The following VCAN variants were observed in gnomAD, a reference collection of about 807,000 sequenced individuals.
The protein encoded by VCAN is versican core protein.
Under a neutral mutation model 245.5 loss-of-function variants are expected in VCAN, and 44 were observed. The ratio of observed to expected loss-of-function variants is 0.18; its 90% confidence interval spans 0.14 to 0.23. The LOEUF (loss-of-function observed/expected upper bound fraction) is 0.23, where lower values mean the gene tolerates loss of function less well. Ranked by LOEUF, VCAN falls within the 10% of genes least tolerant of loss-of-function variation. The pLI is 1.00. For missense variants in VCAN, 3,793 were observed against 4,057.9 expected (o/e 0.93, Z 1.77); for synonymous variants, 1,413 against 1,437.0 (o/e 0.98, Z 0.38).
rs200475561 is a variant in VCAN, at chr5:83,539,943, C to T, written c.6940C>T (p.Leu2314Phe). 2.9e-5 allele frequency: 47 copies of T among 1,614,120 alleles called. No homozygotes were observed. The Admixed American group carries it at 6.7e-4, about 23-fold the overall frequency. ...MENVAKEVGP[L>F]VSQTDIFEGS... The stretch of plus-strand genomic sequence containing the variant: ...AAATGTGGCAAAAGAAGTTGGACCA[C>T]TCGTATCTCAAACAGACATCTTTGA... Residue 2314 changes from leucine (L) to phenylalanine (F), a missense_variant, in exon 8 of 15, where the codon CTC becomes TTC. Leu to Phe is a conservative substitution (Grantham distance 22, BLOSUM62 0). Transcript: ENST00000265077.
chr5:83,494,441 C>A (rs1745093369), intron 5 of VCAN, among the ~76,000 whole-genome samples: 1 of 152,178 alleles, frequency 6.6e-6, no homozygotes, highest in Non-Finnish European at 1.5e-5. Context: ...TACGTTAAAC[C>A]AGTTAACACA....
intron 5 of VCAN, among the ~76,000 whole-genome samples, chr5:83,498,183 C>T (rs1408607290): frequency 2.0e-5 from 3 of 152,124 alleles, no homozygotes; most frequent in Admixed American, 6.6e-5. Flanking sequence ...TGTGGGCACT[C>T]TCTTTCATCT....
intron 11 of VCAN, among the ~76,000 whole-genome samples, chr5:83,554,648 A>G (rs1010280911): frequency 1.3e-5 from 2 of 152,006 alleles, no homozygotes; most frequent in South Asian, 2.1e-4. Context: ...TTTCTATCAT[A>G]AAAAAAAGAA....
chr5:83,487,181 T>C (rs13189086), intron 2 of VCAN, among the ~76,000 whole-genome samples: 2 of 152,074 alleles, frequency 1.3e-5, no homozygotes, highest in African/African-American at 4.8e-5. Context: ...ATGAACTAGA[T>C]AGTGATATTT....
chr5:83,559,644 C>T (rs1482161751), intron 12 of VCAN, among the ~76,000 whole-genome samples: 1 of 152,224 alleles, frequency 6.6e-6, no homozygotes, highest in South Asian at 2.1e-4. Context: ...ACTAAGAGCT[C>T]CTCTTCTGTG....
intron 13 of VCAN, among the ~76,000 whole-genome samples, chr5:83,576,616 T>C (rs1028402003): frequency 6.6e-6 from 1 of 152,138 alleles, no homozygotes; most frequent in African/African-American, 2.4e-5. Context: ...ATAGGATATA[T>C]GTACCATAAA....
chr5:83,547,844 A>T (rs1364030855), intron 9 of VCAN, 127 bp from the exon 10 acceptor site: 2 of 749,024 alleles, frequency 2.7e-6, no homozygotes, highest in Non-Finnish European at 2.4e-6. Flanking sequence ...AACAAATTAT[A>T]CTTTTTTTAA....
Position 83,541,301 on chromosome 5 carries a change from T to A in VCAN, c.8298T>A (p.Ser2766=), listed in dbSNP as rs1440967680. ...HAGPSFQPEF[S]SGAEEALVDH... ...GTCCTTCTTTTCAGCCAGAATTCTC[T>A]TCAGGAGCTGAGGAGGCATTAGTAG... is the stretch of plus-strand genomic sequence containing the variant. The change falls in exon 8 of 15, where the codon TCT becomes TCA. Residue 2766 remains serine (S), a synonymous_variant. Coordinates refer to ENST00000265077, the MANE Select transcript of VCAN (RefSeq NM_004385.5). The A allele has an allele frequency of 3.1e-6, 5 of 1,614,068 alleles. No individual in the cohort carries two copies. The South Asian group carries it at 5.5e-5, about 18-fold the overall frequency.
intron 13 of VCAN, among the ~76,000 whole-genome samples, chr5:83,578,730 G>A (rs309578): frequency 0.32 from 49,125 of 151,964 alleles, 8,438 homozygotes; most frequent in Admixed American, 0.42. Flanking sequence ...ATGAGAGAAT[G>A]TGGCATGTTT....
At chr5:83,547,037 A>G (rs16900552) in intron 9 of VCAN, among the ~76,000 whole-genome samples, 5,327 of 152,244 alleles carry the variant, frequency 0.035, 96 homozygotes, top group Middle Eastern at 0.071. Context: ...GGAGATATGG[A>G]CACAACAAAC....
chr5:83,502,051 A>C (rs1005211237), intron 5 of VCAN, among the ~76,000 whole-genome samples: 1 of 152,160 alleles, frequency 6.6e-6, no homozygotes, highest in Non-Finnish European at 1.5e-5. Context: ...TTTTTGATGC[A>C]AATGCAAATG....
chr5:83,550,178 A>G (rs1747405920), intron 10 of VCAN, among the ~76,000 whole-genome samples: 1 of 152,204 alleles, frequency 6.6e-6, no homozygotes, highest in African/African-American at 2.4e-5. Flanking sequence ...AGGACTTGAC[A>G]GCTATATGTC....
In VCAN at chr5:83,522,044, T is replaced by A. The variant is rs1454805392; in HGVS notation, c.3738T>A (p.Ser1246Arg). Residue 1246 changes from serine (S) to arginine (R), a missense_variant, in exon 7 of 15, where the codon AGT (serine) becomes AGA (arginine). Physicochemically the swap from Ser to Arg is moderately radical, Grantham distance 110 (BLOSUM62 -1). Coordinates refer to ENST00000265077, the MANE Select transcript of VCAN (RefSeq NM_004385.5). The stretch of plus-strand genomic sequence containing the variant: ...GGGAACCTGGTGAAGAAACAACCAG[T>A]GACATGGTAATCATTGGAGAATCAA... ...IDREPGEETT[S>R]DMVIIGESTS... 1 of 1,614,152 alleles carries A rather than the reference T, an allele frequency of 6.2e-7. No homozygotes were observed. The highest frequency in any genetic ancestry group is 2.2e-5 in the East Asian group (1 of 44,878).
chr5:83,567,344 A>C (rs1229205188), intron 12 of VCAN, among the ~76,000 whole-genome samples: 1 of 152,096 alleles, frequency 6.6e-6, no homozygotes, highest in Non-Finnish European at 1.5e-5. Context: ...CTGACCCCCT[A>C]GGCTGGAGTG....
chr5:83,515,959 G>A (rs185764690), intron 6 of VCAN, among the ~76,000 whole-genome samples: 8 of 152,196 alleles, frequency 5.3e-5, no homozygotes, highest in Admixed American at 6.5e-5. Context: ...TTGGCCGGGC[G>A]CGGTCGCTCA....
chr5:83,550,662 G>A lies in VCAN; in HGVS notation c.9493+2578G>A, dbSNP rs193020165. Among the ~76,000 whole-genome samples the A allele has an allele frequency of 1.3e-3, 195 of 152,146 alleles. No homozygotes were observed. In the Middle Eastern group the frequency reaches 0.017, roughly 13 times the overall value. ...AGCACTTTGGGAGGTCAAGGCGGGCGGATCACCTGAGGTCAGAAGTTCGAG... is the reference window on the plus strand; with the variant it reads ...AGCACTTTGGGAGGTCAAGGCGGGCAGATCACCTGAGGTCAGAAGTTCGAG... On this transcript the variant is annotated intron_variant, in intron 10 of 14. Coordinates refer to ENST00000265077, the MANE Select transcript of VCAN (RefSeq NM_004385.5).
Position 83,581,317 on chromosome 5 carries a change from C to CAAAAAAA in VCAN, c.*902_*908dup, listed in dbSNP as rs70975508. ...GGGTGGGGGATTGTTAAAACACATGCAAAAAAAAAAAAAAAAAAAAAAAAA... is the reference window on the plus strand; with the variant it reads ...GGGTGGGGGATTGTTAAAACACATGCAAAAAAAAAAAAAAAAAAAAAAAAAAAAAAAA... On this transcript the variant is annotated 3_prime_UTR_variant, in exon 15 of 15. Coordinates refer to ENST00000265077, the MANE Select transcript of VCAN (RefSeq NM_004385.5). The CAAAAAAA allele has an allele frequency of 2.5e-4, 29 of 116,872 alleles. No individual in the cohort carries two copies. The highest frequency in any genetic ancestry group is 7.1e-4 in the East Asian group (3 of 4,252). 7.2% of individuals were successfully genotyped at this position (116,872 alleles called of 1,614,324 possible).
chr5:83,565,673 G>A (rs1161025568), intron 12 of VCAN, among the ~76,000 whole-genome samples: 1 of 152,076 alleles, frequency 6.6e-6, no homozygotes, highest in East Asian at 1.9e-4. Flanking sequence ...ACTTGAAATG[G>A]GTTGAGTATT....
chr5:83,567,226 T>TAA (rs1374352197), intron 12 of VCAN, among the ~76,000 whole-genome samples: 2 of 152,138 alleles, frequency 1.3e-5, no homozygotes, highest in African/African-American at 4.8e-5. Context: ...AGATATAAAA[T>TAA]AATTATCTCT....
Sources: gnomAD v4.1 joint callset for allele counts (sites outside exome capture counted in the v4.1 genomes callset) on GRCh38, gnomAD v4.1.1 for gene constraint, MANE v1.5 for transcripts, NCBI Gene and HGNC (gene_info 2026-07-23, HGNC 2026-07-21) for gene names.